GSK3B: variants seen among roughly 807,000 people sequenced by gnomAD.
GSK3B encodes glycogen synthase kinase-3 beta.
Under a neutral mutation model 56.4 loss-of-function variants are expected in GSK3B, and 15 were observed. That is an observed-to-expected ratio of 0.27 (90% CI 0.18 to 0.41). The LOEUF (loss-of-function observed/expected upper bound fraction) is 0.41, where lower values mean the gene tolerates loss of function less well. Among genes scored for constraint, GSK3B ranks in the 10% least tolerant of loss-of-function variants. The pLI is 1.00. For synonymous variants in GSK3B, 181 were observed against 188.9 expected (o/e 0.96, Z 0.34); for missense variants, 300 against 513.4 (o/e 0.58, Z 4.02).
intron 3 of GSK3B, among the ~76,000 whole-genome samples, chr3:119,932,666 A>G (rs770020115): frequency 3.9e-5 from 6 of 152,174 alleles, no homozygotes; most frequent in Non-Finnish European, 7.4e-5. Flanking sequence ...AAAAACTCAC[A>G]CAAACCCAGT....
In GSK3B at chr3:119,843,341, T is replaced by G; in HGVS notation, c.1109A>C (p.Asn370Thr). The change falls in exon 10 of 11, where the codon AAT becomes ACT. Residue 370 changes from asparagine (N) to threonine (T), a missense_variant. Transcript: ENST00000264235. ...FNFTTQELSS[N>T]PPLATILIPP... ...AATAAGGATGGTAGCCAGAGGTGGA[T>G]TACTTGACAGTTCTATAGAAGGTTA... The G allele has an allele frequency of 1.2e-6, 2 of 1,600,968 alleles. No individual in the cohort carries two copies. Among genetic ancestry groups the G allele is most frequent in the South Asian group, 2.2e-5 (2 of 90,848 alleles).
At chr3:119,962,722 T>C (rs757280347) in intron 2 of GSK3B, among the ~76,000 whole-genome samples, 1 of 152,242 alleles carries the variant, frequency 6.6e-6, no homozygotes, top group African/African-American at 2.4e-5. Flanking sequence ...CAATTCTATA[T>C]ACCAGCAGTC....
At chr3:119,847,094 A>G (rs2055865635) in intron 9 of GSK3B, among the ~76,000 whole-genome samples, 4 of 152,050 alleles carry the variant, frequency 2.6e-5, no homozygotes, top group Admixed American at 2.0e-4. Context: ...CAATGAGAAC[A>G]TATGGGCACA....
At chr3:120,036,056 A>G (rs1434909181) in intron 1 of GSK3B, among the ~76,000 whole-genome samples, 1 of 152,210 alleles carries the variant, frequency 6.6e-6, no homozygotes, top group African/African-American at 2.4e-5. Flanking sequence ...TCCTAATATT[A>G]GGCAGAAAGC....
intron 1 of GSK3B, among the ~76,000 whole-genome samples, chr3:120,044,638 C>T (rs2058088531): frequency 6.6e-6 from 1 of 152,116 alleles, no homozygotes; most frequent in South Asian, 2.1e-4. Context: ...TCATTGCCTC[C>T]ATGGGTAAGT....
chr3:120,038,911 G>A (rs1160116362), intron 1 of GSK3B, among the ~76,000 whole-genome samples: 1 of 151,220 alleles, frequency 6.6e-6, no homozygotes, highest in African/African-American at 2.4e-5. Context: ...GAAAAGACAA[G>A]ACATAGACTG....
Position 119,980,511 on chromosome 3 carries a change from C to T in GSK3B, c.282+21535G>A, listed in dbSNP as rs987983898. Among the ~76,000 whole-genome samples, 10 of 152,226 alleles carry T rather than the reference C, an allele frequency of 6.6e-5. No homozygotes were observed. In the East Asian group the frequency reaches 1.7e-3, roughly 26 times the overall value. On this transcript the variant is annotated intron_variant, in intron 2 of 10. Transcript: ENST00000264235. ...GGGATTACAGGCATGTGCCACCACG[C>T]CCGGGGAATTTTTTGTATTTTTAGT...
intron 1 of GSK3B, among the ~76,000 whole-genome samples, chr3:120,005,839 C>A (rs138810255): frequency 1.4e-3 from 208 of 152,244 alleles, no homozygotes; most frequent in African/African-American, 4.6e-3. Context: ...ATTATAAAGA[C>A]CATCGATGCT....
chr3:120,069,226 T>C (rs1489074267), intron 1 of GSK3B, among the ~76,000 whole-genome samples: 1 of 152,132 alleles, frequency 6.6e-6, no homozygotes, highest in African/African-American at 2.4e-5. Flanking sequence ...GCTGTAAATA[T>C]TATCTGATAT....
At chr3:119,995,553 T>G (rs1335945252) in intron 2 of GSK3B, among the ~76,000 whole-genome samples, 1 of 144,852 alleles carries the variant, frequency 6.9e-6, no homozygotes, top group Non-Finnish European at 1.5e-5. Context: ...CAACCTCCGC[T>G]TCCCGGGTTC....
chr3:119,869,413 T>C (rs1234245799), intron 8 of GSK3B, among the ~76,000 whole-genome samples: 1 of 152,100 alleles, frequency 6.6e-6, no homozygotes, highest in Non-Finnish European at 1.5e-5. Flanking sequence ...ATCTATGAAG[T>C]TGGCATCTAA....
rs559032606 is a variant in GSK3B at position 119,934,198 on chromosome 3, GA to G, written c.367-10716del. Among the ~76,000 whole-genome samples, 1,040 of 152,220 alleles carry G rather than the reference GA, an allele frequency of 6.8e-3. 3 individuals carry two copies. The highest frequency in any genetic ancestry group is 0.011 in the Non-Finnish European group (741 of 68,008). Reference sequence around the variant, plus strand: ...AGGAATAAAGTATGGAAAGAGTGGGGAAAAGAGTAATTTTACAGTCAAGAAA... The same window carrying G: ...AGGAATAAAGTATGGAAAGAGTGGGGAAAGAGTAATTTTACAGTCAAGAAA... On this transcript the variant is annotated intron_variant, in intron 3 of 10. Coordinates refer to ENST00000264235, the MANE Select transcript of GSK3B (RefSeq NM_001146156.2).
chr3:119,928,578 C>T (rs2107471253), intron 3 of GSK3B, among the ~76,000 whole-genome samples: 1 of 130,328 alleles, frequency 7.7e-6, no homozygotes, highest in South Asian at 2.5e-4. Flanking sequence ...GCACTCCAGC[C>T]TGGGAGATAG....
intron 2 of GSK3B, among the ~76,000 whole-genome samples, chr3:119,997,356 T>C (rs752526079): frequency 6.6e-6 from 1 of 152,050 alleles, no homozygotes; most frequent in Non-Finnish European, 1.5e-5. Flanking sequence ...TGCATTTACA[T>C]GGAAGATGTA....
At position 119,851,217 on chromosome 3, in the gene GSK3B, A is replaced by C. The variant is rs190344961; in HGVS notation, c.1097-7864T>G. Among the ~76,000 whole-genome samples, 388 of 152,330 alleles carry C rather than the reference A, an allele frequency of 2.5e-3. 2 individuals are homozygous for C. The highest frequency in any genetic ancestry group is 8.2e-3 in the African/African-American group (341 of 41,580). ...TATGAATCAACCAAAAAGTTAACAA[A>C]ATCCATTTAACTAAATTTTGCTGCA... is the stretch of plus-strand genomic sequence containing the variant. On this transcript the variant is annotated intron_variant, in intron 9 of 10. Coordinates refer to ENST00000264235, the MANE Select transcript of GSK3B (RefSeq NM_001146156.2).
intron 1 of GSK3B, among the ~76,000 whole-genome samples, chr3:120,055,188 AT>A (rs2107546496): frequency 6.6e-6 from 1 of 152,236 alleles, no homozygotes; most frequent in Admixed American, 6.6e-5. Flanking sequence ...AGAAAAAAAA[AT>A]GTGTCTTGTT....
intron 4 of GSK3B, among the ~76,000 whole-genome samples, chr3:119,922,257 G>GGAAGGAAGGAAC (rs2056850246): frequency 1.4e-5 from 2 of 140,666 alleles, no homozygotes; most frequent in Non-Finnish European, 3.1e-5. Context: ...AAGGAAGGAA[G>GGAAGGAAGGAAC]GAAGGAAGGA....
chr3:119,868,682 C>T (rs766090779), intron 8 of GSK3B, among the ~76,000 whole-genome samples: 2 of 152,130 alleles, frequency 1.3e-5, no homozygotes, highest in Non-Finnish European at 2.9e-5. Context: ...TAACAGAACA[C>T]AGAACAAGAG....
At chr3:119,865,454 ATATATATATATATTTTTTTTT>A (rs1327778461) in intron 8 of GSK3B, among the ~76,000 whole-genome samples, 16 of 18,974 alleles carry the variant, frequency 8.4e-4, no homozygotes, top group Admixed American at 9.9e-4. Flanking sequence ...ATATATATAT[ATATATATATATATTTTTTTTT>A]TTTTTTTTTT....
Sources: gnomAD v4.1 joint callset for allele counts (sites outside exome capture counted in the v4.1 genomes callset) on GRCh38, gnomAD v4.1.1 for gene constraint, MANE v1.5 for transcripts, NCBI Gene and HGNC (gene_info 2026-07-23, HGNC 2026-07-21) for gene names.